Variants in CDH10 observed in about 807,000 individuals in gnomAD.
CDH10 encodes cadherin 10.
A neutral mutation model predicts 73.1 loss-of-function variants in CDH10; 30 were observed. That is an observed-to-expected ratio of 0.41 (90% CI 0.31 to 0.56). The LOEUF (loss-of-function observed/expected upper bound fraction) is 0.56. Ranked by LOEUF, CDH10 falls within the 20% of genes least tolerant of loss-of-function variation. CDH10 has a pLI of 0.27. For synonymous variants in CDH10, 345 were observed against 348.2 expected, an observed-to-expected ratio of 0.99 and a Z score of 0.10; for missense variants, 815 against 973.7, an observed-to-expected ratio of 0.84 and a Z score of 2.17.
At chr5:24,528,436 C>A (rs1437775417) in intron 5 of CDH10, among the ~76,000 whole-genome samples, 1 of 151,828 alleles carries the variant, frequency 6.6e-6, no homozygotes, top group African/African-American at 2.4e-5. Flanking sequence ...AAAATCAGCA[C>A]TTATTAAATC....
intron 2 of CDH10, among the ~76,000 whole-genome samples, chr5:24,571,713 A>AG (rs1251414005): frequency 6.6e-6 from 1 of 151,914 alleles, no homozygotes; most frequent in Non-Finnish European, 1.5e-5. Context: ...TCTATGAAAA[A>AG]AAATAATGCT....
intron 2 of CDH10, among the ~76,000 whole-genome samples, chr5:24,544,343 G>A (rs1357599243): frequency 6.6e-6 from 1 of 151,994 alleles, no homozygotes; most frequent in Non-Finnish European, 1.5e-5. Context: ...GCTTAACAAT[G>A]AAATAGATTA....
chr5:24,529,275 A>G (rs1743640257), intron 5 of CDH10, among the ~76,000 whole-genome samples: 1 of 151,988 alleles, frequency 6.6e-6, no homozygotes, highest in South Asian at 2.1e-4. Context: ...TAGGTTCCTC[A>G]TAATTCTGGA....
At chr5:24,529,562 T>C (rs1743652602) in intron 5 of CDH10, among the ~76,000 whole-genome samples, 1 of 152,014 alleles carries the variant, frequency 6.6e-6, no homozygotes, top group African/African-American at 2.4e-5. Flanking sequence ...GGGAAATATA[T>C]AGTAGACAAC....
chr5:24,575,653 A>G (rs916799086), intron 2 of CDH10, among the ~76,000 whole-genome samples: 1 of 152,176 alleles, frequency 6.6e-6, no homozygotes, highest in African/African-American at 2.4e-5. Context: ...AAATAAATAT[A>G]AATGAACAAA....
intron 2 of CDH10, among the ~76,000 whole-genome samples, chr5:24,571,592 C>A (rs1172108789): frequency 6.6e-6 from 1 of 151,916 alleles, no homozygotes; most frequent in African/African-American, 2.4e-5. Context: ...AATAGAGCAG[C>A]AGGAAGGCAA....
At chr5:24,559,720 A>G (rs1038300415) in intron 2 of CDH10, among the ~76,000 whole-genome samples, 2 of 152,092 alleles carry the variant, frequency 1.3e-5, no homozygotes, top group Non-Finnish European at 2.9e-5. Flanking sequence ...ACTGATTGAA[A>G]ATGATGCTTT....
chr5:24,542,852 A>G (rs1309115213), intron 2 of CDH10, among the ~76,000 whole-genome samples: 2 of 152,134 alleles, frequency 1.3e-5, no homozygotes, highest in Non-Finnish European at 2.9e-5. Flanking sequence ...CACTAATGCT[A>G]TTCATGAGAT....
intron 2 of CDH10, among the ~76,000 whole-genome samples, chr5:24,545,194 T>C (rs1744296185): frequency 6.6e-6 from 1 of 152,186 alleles, no homozygotes; most frequent in African/African-American, 2.4e-5. Context: ...ATTATGAAAA[T>C]TATCTCCTTG....
chr5:24,514,921 T>C (rs995671811), intron 5 of CDH10, among the ~76,000 whole-genome samples: 3 of 152,140 alleles, frequency 2.0e-5, no homozygotes, highest in African/African-American at 7.2e-5. Flanking sequence ...AGAGTACAGA[T>C]TCTTTCAGAG....
rs755194082 is a variant in CDH10 at position 24,593,237 on chromosome 5, G to A, written c.231+23C>T. 7.8e-6 allele frequency: 10 copies of A among 1,281,106 alleles called. No homozygotes were observed. The East Asian group carries it at 9.3e-5, about 12-fold the overall frequency. The allele number at this position is 1,281,106 out of a possible 1,614,324, so 79.4% of individuals were successfully genotyped here. On this transcript the variant is annotated intron_variant, in intron 2 of 11. Transcript: ENST00000264463. ...ATATATAAAGAGCAAATATAAACACGTGCCATTTTAACACAAGCTTACCTT... is the reference window on the plus strand; with the variant it reads ...ATATATAAAGAGCAAATATAAACACATGCCATTTTAACACAAGCTTACCTT...
At position 24,537,688 on chromosome 5, in the gene CDH10, A is replaced by T. The variant is rs1362189010; in HGVS notation, c.232-14T>A. 1 of 1,514,080 alleles carries T rather than the reference A, an allele frequency of 6.6e-7. No individual in the cohort carries two copies. The highest frequency in any genetic ancestry group is 9.0e-7 in the Non-Finnish European group (1 of 1,105,090). 93.8% of individuals were successfully genotyped at this position (1,514,080 alleles called of 1,614,324 possible). ...GTCTGAATGTAGCTAGGGGAAATAAAAAAGAGTATATCCATGATCATGTAT... is the reference window on the plus strand; with the variant it reads ...GTCTGAATGTAGCTAGGGGAAATAATAAAGAGTATATCCATGATCATGTAT... On this transcript the variant is annotated splice_polypyrimidine_tract_variant and intron_variant, in intron 2 of 11. Transcript: ENST00000264463.
Position 24,505,161 on chromosome 5 carries a change from G to A in CDH10, c.1344C>T (p.Asp448=), listed in dbSNP as rs2111726181. 1 of 1,612,510 alleles carries A rather than the reference G, an allele frequency of 6.2e-7. No homozygotes were observed. Among genetic ancestry groups the A allele is most frequent in the Non-Finnish European group, 8.5e-7 (1 of 1,178,730 alleles). ...GATTATGCCACTGAGATAGTTCACGGTCAAGAGGTTTTGATGTATAAAGAG... is the reference window on the plus strand; with the variant it reads ...GATTATGCCACTGAGATAGTTCACGATCAAGAGGTTTTGATGTATAAAGAG... The part of the protein sequence containing the change: ...NGSLYTSKPL[D]RELSQWHNLT... The change falls in exon 8 of 12, where the codon GAC becomes GAT. Residue 448 remains aspartate, a synonymous_variant. Coordinates refer to ENST00000264463, the MANE Select transcript of CDH10 (RefSeq NM_006727.5).
chr5:24,487,510 G>A lies in CDH10; in HGVS notation c.*153C>T, dbSNP rs1046335234. 2.9e-6 allele frequency: 2 copies of A among 689,182 alleles called. No individual in the cohort carries two copies. Among genetic ancestry groups the A allele is most frequent in the Non-Finnish European group, 5.0e-6 (2 of 399,358 alleles). 42.7% of individuals were successfully genotyped at this position (689,182 alleles called of 1,614,324 possible). ...ATTCCATGAGACATCCTACAGGAAA[G>A]AATTAATGTAATTAATGAACAAATT... On this transcript the variant is annotated 3_prime_UTR_variant, in exon 12 of 12. Coordinates refer to ENST00000264463, the MANE Select transcript of CDH10 (RefSeq NM_006727.5).
chr5:24,496,483 A>G (rs1294174295), intron 9 of CDH10, among the ~76,000 whole-genome samples: 1 of 152,144 alleles, frequency 6.6e-6, no homozygotes, highest in Admixed American at 6.5e-5. Context: ...TACATCAGTT[A>G]AAAGTTGCAA....
At chr5:24,570,344 T>C (rs146589751) in intron 2 of CDH10, among the ~76,000 whole-genome samples, 1 of 152,194 alleles carries the variant, frequency 6.6e-6, no homozygotes, top group East Asian at 1.9e-4. Context: ...GTTACTACAG[T>C]TGTACGAAAT....
intron 1 of CDH10, among the ~76,000 whole-genome samples, chr5:24,619,483 G>A (rs565878195): frequency 1.5e-4 from 23 of 152,206 alleles, no homozygotes; most frequent in African/African-American, 4.3e-4. Context: ...GTGAGCCACC[G>A]TGCCCGGCCT....
intron 1 of CDH10, among the ~76,000 whole-genome samples, chr5:24,605,898 G>C (rs571154291): frequency 3.9e-5 from 6 of 152,258 alleles, no homozygotes; most frequent in African/African-American, 1.4e-4. Flanking sequence ...ATCAACAATT[G>C]ACACATGGAT....
At chr5:24,612,123 A>G (rs1427426755) in intron 1 of CDH10, 1 of 152,186 alleles carries the variant, frequency 6.6e-6, no homozygotes, top group Non-Finnish European at 1.5e-5. Context: ...TACGTTACAC[A>G]TTAATAGGAA....
Sources: gnomAD v4.1 joint callset for allele counts (sites outside exome capture counted in the v4.1 genomes callset) on GRCh38, gnomAD v4.1.1 for gene constraint, MANE v1.5 for transcripts, NCBI Gene and HGNC (gene_info 2026-07-23, HGNC 2026-07-21) for gene names.